Variants in CCSER1 observed in about 807,000 individuals in gnomAD.
CCSER1 encodes the protein serine-rich coiled-coil domain-containing protein 1.
Under a neutral mutation model 82.0 loss-of-function variants are expected in CCSER1, and 41 were observed. The observed-to-expected ratio is 0.50, with a 90% CI of 0.39 to 0.65. The LOEUF (loss-of-function observed/expected upper bound fraction) is 0.65. CCSER1 is among the 30% of genes least tolerant of loss of function. The pLI, the probability that CCSER1 is intolerant of heterozygous loss-of-function variation, is 0.00. For synonymous variants in CCSER1, 414 were observed against 383.9 expected (o/e 1.08, Z -0.92); for missense variants, 1,119 against 1,064.2 (o/e 1.05, Z -0.72).
Position 91,153,521 on chromosome 4 carries a change from C to G in CCSER1, c.2217+67527C>G, listed in dbSNP as rs187735396. ...CTGAAGCCTTCTTCTCTCAACTTGTCAAAGTCATTCTCCATCCAGCTTTGT... is the reference window on the plus strand; with the variant it reads ...CTGAAGCCTTCTTCTCTCAACTTGTGAAAGTCATTCTCCATCCAGCTTTGT... On this transcript the variant is annotated intron_variant, in intron 10 of 10. Coordinates refer to ENST00000509176, the MANE Select transcript of CCSER1 (RefSeq NM_001145065.2). Among the ~76,000 whole-genome samples, 532 of 152,112 alleles carry G rather than the reference C, an allele frequency of 3.5e-3. 5 individuals are homozygous for G. The highest frequency in any genetic ancestry group is 6.5e-3 in the Non-Finnish European group (439 of 67,924).
chr4:91,605,128 A>G lies in CCSER1; in HGVS notation c.*6071A>G, dbSNP rs1306497888. 2.6e-5 allele frequency: 4 copies of G among 152,108 alleles called. No homozygotes were observed. The highest frequency in any genetic ancestry group is 9.6e-5 in the African/African-American group (4 of 41,458). The allele number at this position is 152,108 out of a possible 1,614,324, so 9.4% of individuals were successfully genotyped here. On this transcript the variant is annotated 3_prime_UTR_variant, in exon 11 of 11. Transcript: ENST00000509176. ...TAAAATTTTTAGCAATATTGAATAC[A>G]GTAGTATAATTTTTTGTGGCTCTTG...
chr4:90,964,873 G>C (rs756258249), intron 9 of CCSER1, among the ~76,000 whole-genome samples: 1 of 151,912 alleles, frequency 6.6e-6, no homozygotes, highest in Non-Finnish European at 1.5e-5. Flanking sequence ...AGTTCTAACA[G>C]CAAACATTGT....
At chr4:90,226,878 G>A (rs1743269296) in intron 1 of CCSER1, among the ~76,000 whole-genome samples, 1 of 152,214 alleles carries the variant, frequency 6.6e-6, no homozygotes, top group Admixed American at 6.5e-5. Flanking sequence ...GACTGAGCAT[G>A]ATGGGGTACT....
chr4:90,445,138 G>A (rs1760467276), intron 4 of CCSER1, among the ~76,000 whole-genome samples: 1 of 151,962 alleles, frequency 6.6e-6, no homozygotes. Context: ...CCTGGAGAAG[G>A]AACTGTTAGG....
At chr4:91,155,128 A>G (rs988438417) in intron 10 of CCSER1, among the ~76,000 whole-genome samples, 1 of 151,852 alleles carries the variant, frequency 6.6e-6, no homozygotes, top group Non-Finnish European at 1.5e-5. Flanking sequence ...TTAGGTATCT[A>G]TTTGGAAATG....
intron 10 of CCSER1, among the ~76,000 whole-genome samples, chr4:91,380,304 T>A (rs538577551): frequency 1.1e-4 from 17 of 152,308 alleles, no homozygotes; most frequent in African/African-American, 4.1e-4. Context: ...AATATCCTTT[T>A]TAACTTTCTG....
At chr4:90,325,665 AAACT>A (rs1454215683) in intron 3 of CCSER1, 5 of 448,970 alleles carry the variant, frequency 1.1e-5, no homozygotes, top group South Asian at 3.2e-5. Context: ...GACCTTCAGT[AAACT>A]AACTACCTGT....
chr4:91,250,339 T>C (rs138537358), intron 10 of CCSER1, among the ~76,000 whole-genome samples: 3,026 of 152,254 alleles, frequency 0.02, 46 homozygotes, highest in Non-Finnish European at 0.03. Flanking sequence ...CACTTATTTA[T>C]GCAAGTATGT....
intron 10 of CCSER1, among the ~76,000 whole-genome samples, chr4:91,090,311 C>G (rs971339968): frequency 1.3e-5 from 2 of 152,140 alleles, no homozygotes; most frequent in African/African-American, 4.8e-5. Context: ...AGCATAGGCT[C>G]TATGTCCACA....
intron 9 of CCSER1, among the ~76,000 whole-genome samples, chr4:90,967,743 A>G (rs1330539215): frequency 1.3e-5 from 2 of 152,188 alleles, no homozygotes; most frequent in Non-Finnish European, 2.9e-5. Flanking sequence ...TGATGCCAGC[A>G]AGATGATAAA....
chr4:91,543,378 T>C (rs1761710648), intron 10 of CCSER1, among the ~76,000 whole-genome samples: 1 of 152,218 alleles, frequency 6.6e-6, no homozygotes, highest in Non-Finnish European at 1.5e-5. Context: ...TGTTAGTTGA[T>C]GCAGTTTCTT....
At chr4:91,411,382 A>G (rs918289941) in intron 10 of CCSER1, among the ~76,000 whole-genome samples, 11 of 150,224 alleles carry the variant, frequency 7.3e-5, no homozygotes, top group African/African-American at 2.4e-4. Context: ...TCTGTTGCTC[A>G]GTATTTCTAA....
intron 10 of CCSER1, among the ~76,000 whole-genome samples, chr4:91,425,260 A>AG (rs1753903854): frequency 6.6e-6 from 1 of 152,066 alleles, no homozygotes; most frequent in East Asian, 1.9e-4. Flanking sequence ...GGGAACTTTA[A>AG]ACTTTTTTAT....
intron 3 of CCSER1, among the ~76,000 whole-genome samples, chr4:90,332,869 A>G (rs1347021550): frequency 6.6e-6 from 1 of 152,186 alleles, no homozygotes; most frequent in Non-Finnish European, 1.5e-5. Context: ...ATAAATCTAT[A>G]TTCAGTTTTT....
intron 5 of CCSER1, among the ~76,000 whole-genome samples, chr4:90,576,999 A>G (rs1045648852): frequency 3.3e-5 from 5 of 152,142 alleles, no homozygotes; most frequent in East Asian, 1.9e-4. Flanking sequence ...ACTAGCAATG[A>G]ATGGGAGTTC....
chr4:90,507,396 GA>G (rs1484215441), intron 5 of CCSER1, among the ~76,000 whole-genome samples: 1 of 151,052 alleles, frequency 6.6e-6, no homozygotes, highest in African/African-American at 2.4e-5. Flanking sequence ...AACATTATTT[GA>G]AAAAAACATA....
Position 91,178,566 on chromosome 4 carries a change from C to T in CCSER1, c.2217+92572C>T, listed in dbSNP as rs186246242. Among the ~76,000 whole-genome samples the T allele has an allele frequency of 1.9e-4, 29 of 151,920 alleles. No individual in the cohort carries two copies. In the East Asian group the frequency reaches 4.3e-3, roughly 22 times the overall value. ...TGATCCCTTTACCATTATGTAATGGCCTTCCTTCTCTTTTGATCTTTGTTG... is the reference window on the plus strand; with the variant it reads ...TGATCCCTTTACCATTATGTAATGGTCTTCCTTCTCTTTTGATCTTTGTTG... On this transcript the variant is annotated intron_variant, in intron 10 of 10. Coordinates refer to ENST00000509176, the MANE Select transcript of CCSER1 (RefSeq NM_001145065.2).
intron 9 of CCSER1, among the ~76,000 whole-genome samples, chr4:90,949,735 A>G (rs1732680907): frequency 6.6e-6 from 1 of 151,936 alleles, no homozygotes. Flanking sequence ...TTCCTAACCT[A>G]TGGCATTTAC....
At chr4:90,410,002 T>C (rs998928419) in intron 4 of CCSER1, among the ~76,000 whole-genome samples, 7 of 152,070 alleles carry the variant, frequency 4.6e-5, no homozygotes, top group Admixed American at 2.6e-4. Flanking sequence ...TAAAACAGAC[T>C]TTAAACCAAC....
Sources: allele counts gnomAD v4.1 joint callset (sites outside exome capture counted in the v4.1 genomes callset), GRCh38; gene constraint gnomAD v4.1.1; transcripts MANE v1.5; gene names NCBI Gene and HGNC (gene_info 2026-07-23, HGNC 2026-07-21).